Variants in CCNJL observed in about 807,000 individuals in gnomAD.
CCNJL encodes cyclin-J-like protein.
Under a neutral mutation model 33.4 loss-of-function variants are expected in CCNJL, and 33 were observed. The observed-to-expected ratio is 0.99, with a 90% CI of 0.75 to 1.32. The LOEUF is 1.32. CCNJL is among the 40% of genes most tolerant of loss of function. CCNJL has a pLI of 0.00. For synonymous variants in CCNJL, 227 were observed against 220.9 expected (o/e 1.03, Z -0.24); for missense variants, 512 against 499.7 (o/e 1.02, Z -0.23).
At chr5:160,269,252 C>T (rs1187956267) in intron 3 of CCNJL, among the ~76,000 whole-genome samples, 2 of 152,190 alleles carry the variant, frequency 1.3e-5, no homozygotes, top group African/African-American at 2.4e-5. Context: ...CCCCTGGTTC[C>T]TTTGTGCTCC....
chr5:160,319,970 G>A (rs1763420728), intron 1 of CCNJL, among the ~76,000 whole-genome samples: 1 of 152,046 alleles, frequency 6.6e-6, no homozygotes, highest in African/African-American at 2.4e-5. Context: ...TGGATAACAT[G>A]GATAGCGGAG....
At chr5:160,334,644 C>A (rs1763659921) in intron 1 of CCNJL, among the ~76,000 whole-genome samples, 1 of 152,168 alleles carries the variant, frequency 6.6e-6, no homozygotes, top group African/African-American at 2.4e-5. Flanking sequence ...GGCAATTCAG[C>A]CCCAGAATTG....
chr5:160,321,567 G>A (rs1260207348), intron 1 of CCNJL, among the ~76,000 whole-genome samples: 1 of 152,200 alleles, frequency 6.6e-6, no homozygotes, highest in Non-Finnish European at 1.5e-5. Flanking sequence ...GGGTGGAGAA[G>A]GGTTGGGAAA....
intron 3 of CCNJL, among the ~76,000 whole-genome samples, chr5:160,264,615 C>A (rs6865587): frequency 0.036 from 5,411 of 151,960 alleles, 313 homozygotes; most frequent in African/African-American, 0.12. Flanking sequence ...CTGTACAGTT[C>A]AGTGACATTA....
At chr5:160,282,277 G>GTGTT (rs771652688) in intron 2 of CCNJL, among the ~76,000 whole-genome samples, 4 of 152,150 alleles carry the variant, frequency 2.6e-5, no homozygotes, top group Non-Finnish European at 4.4e-5. Flanking sequence ...TCTACACTGG[G>GTGTT]TGTTATTCTA....
intron 5 of CCNJL, chr5:160,255,322 AT>A (rs1761012946): frequency 1.1e-4 from 42 of 371,214 alleles, no homozygotes; most frequent in Non-Finnish European, 1.5e-4. Flanking sequence ...CAAAAAAAAA[AT>A]AAAATAAAAT....
intron 1 of CCNJL, among the ~76,000 whole-genome samples, chr5:160,326,378 G>A (rs1763535721): frequency 6.6e-6 from 1 of 151,272 alleles, no homozygotes; most frequent in African/African-American, 2.4e-5. Flanking sequence ...GGGTGGCTGA[G>A]GCAGGACAAT....
chr5:160,325,006 A>C (rs1763518089), intron 1 of CCNJL, among the ~76,000 whole-genome samples: 1 of 152,162 alleles, frequency 6.6e-6, no homozygotes, highest in Admixed American at 6.5e-5. Flanking sequence ...ACTGGGTTCC[A>C]GGCCTGCCTC....
intron 3 of CCNJL, among the ~76,000 whole-genome samples, chr5:160,263,832 A>G (rs1761451034): frequency 6.6e-6 from 1 of 151,944 alleles, no homozygotes; most frequent in Admixed American, 6.6e-5. Flanking sequence ...TGAATAAATT[A>G]TTATACTGGG....
At chr5:160,267,019 C>G (rs890644984) in intron 3 of CCNJL, among the ~76,000 whole-genome samples, 3 of 152,326 alleles carry the variant, frequency 2.0e-5, no homozygotes, top group South Asian at 2.1e-4. Flanking sequence ...AGACTTTTCC[C>G]AGGTAACCCA....
chr5:160,260,993 T>G (rs1015205087), intron 3 of CCNJL: 3 of 152,252 alleles, frequency 2.0e-5, no homozygotes, highest in Non-Finnish European at 4.4e-5. Context: ...ACTAAGTAAA[T>G]GCCAAAAGAG....
chr5:160,264,571 T>C (rs922773311), intron 3 of CCNJL, among the ~76,000 whole-genome samples: 6 of 151,884 alleles, frequency 4.0e-5, no homozygotes, highest in African/African-American at 1.2e-4. Context: ...AAAAAACTTA[T>C]GACAACACAT....
chr5:160,253,300 C>G lies in CCNJL; in HGVS notation c.*78G>C. 7.0e-7 allele frequency: 1 copy of G among 1,424,682 alleles called. No individual in the cohort carries two copies. Among genetic ancestry groups the G allele is most frequent in the Non-Finnish European group, 9.4e-7 (1 of 1,061,348 alleles). The allele number at this position is 1,424,682 out of a possible 1,614,324, so 88.3% of individuals were successfully genotyped here. ...TCAGGGATGGCCTCCTGCTGCCTCA[C>G]TTGGCTGAGCTCTCCTCTTCAGTGT... On this transcript the variant is annotated 3_prime_UTR_variant, in exon 6 of 6. Transcript: ENST00000257536.
chr5:160,337,085 C>T (rs1264905362), intron 1 of CCNJL, among the ~76,000 whole-genome samples: 1 of 149,230 alleles, frequency 6.7e-6, no homozygotes, highest in African/African-American at 2.5e-5. Context: ...ACTACTGCAG[C>T]CTCTGCCTCC....
chr5:160,320,961 TC>T (rs1763444409), intron 1 of CCNJL, among the ~76,000 whole-genome samples: 1 of 140,734 alleles, frequency 7.1e-6, no homozygotes, highest in Non-Finnish European at 1.5e-5. Flanking sequence ...CCTTCTCTCC[TC>T]TCTGTCTCTC....
chr5:160,310,003 T>C (rs1763212583), intron 2 of CCNJL, among the ~76,000 whole-genome samples: 1 of 152,156 alleles, frequency 6.6e-6, no homozygotes, highest in South Asian at 2.1e-4. Flanking sequence ...ATTTAGGACA[T>C]CCTCCCTTAT....
chr5:160,262,059 G>T (rs1761361170), intron 3 of CCNJL, among the ~76,000 whole-genome samples: 1 of 152,186 alleles, frequency 6.6e-6, no homozygotes, highest in African/African-American at 2.4e-5. Flanking sequence ...TTAAAAGGAA[G>T]AATTTTATTT....
At chr5:160,255,504 G>A (rs1761020449) in intron 5 of CCNJL, 45 bp downstream of exon 5, 4 of 1,595,484 alleles carry the variant, frequency 2.5e-6, no homozygotes, top group Non-Finnish European at 3.4e-6. Context: ...AAGGCAAGAG[G>A]AACCTCACTA....
At position 160,326,818 on chromosome 5, in the gene CCNJL, C is replaced by T. The variant is rs547990850; in HGVS notation, n.207-11313G>A. The T allele has an allele frequency of 2.2e-4, 181 of 812,420 alleles. No homozygotes were observed. In the Middle Eastern group the frequency reaches 2.6e-3, roughly 12 times the overall value. 50.3% of individuals were successfully genotyped at this position (812,420 alleles called of 1,614,324 possible). On this transcript the variant is annotated intron_variant and non_coding_transcript_variant, in intron 1 of 7. Transcript: ENST00000377503. Reference sequence around the variant, plus strand: ...GTGGCTCTATGAGCAAGTGAATATGCGGATAGAAGGCTGTATCATTAGTTT... The same window carrying T: ...GTGGCTCTATGAGCAAGTGAATATGTGGATAGAAGGCTGTATCATTAGTTT...
Sources: gnomAD v4.1 joint callset for allele counts (sites outside exome capture counted in the v4.1 genomes callset) on GRCh38, gnomAD v4.1.1 for gene constraint, MANE v1.5 for transcripts, NCBI Gene and HGNC (gene_info 2026-07-23, HGNC 2026-07-21) for gene names.